ZNF385D: variants seen among roughly 807,000 people sequenced by gnomAD.
The protein encoded by ZNF385D is zinc finger protein 385D, also known as zinc finger protein 659.
In ZNF385D, 15 loss-of-function variants were observed where a neutral mutation model predicts 35.8. The observed-to-expected ratio is 0.42, with a 90% CI of 0.28 to 0.64. The LOEUF is 0.64. ZNF385D is among the 30% of genes least tolerant of loss of function. The pLI is 0.23. For synonymous variants in ZNF385D, 212 were observed against 186.8 expected (o/e 1.13, Z -1.10); for missense variants, 474 against 494.6 (o/e 0.96, Z 0.39).
chr3:21,775,909 A>G (rs2071269493), intron 3 of ZNF385D, among the ~76,000 whole-genome samples: 2 of 151,776 alleles, frequency 1.3e-5, no homozygotes, highest in African/African-American at 4.8e-5. Context: ...AAAATAATGT[A>G]AAGAAGAAAA....
At chr3:22,273,664 G>C (rs1234920609) in intron 2 of ZNF385D, among the ~76,000 whole-genome samples, 1 of 151,994 alleles carries the variant, frequency 6.6e-6, no homozygotes, top group Admixed American at 6.6e-5. Context: ...ATGTCTTAAA[G>C]AATGTATTTC....
chr3:22,283,971 C>T (rs1331483149), intron 2 of ZNF385D, among the ~76,000 whole-genome samples: 1 of 152,024 alleles, frequency 6.6e-6, no homozygotes, highest in Admixed American at 6.5e-5. Context: ...GGATCTGGTG[C>T]CCCTTATTGA....
In ZNF385D at chr3:21,530,922, C is replaced by A. The variant is rs530419810; in HGVS notation, c.277-19899G>T. ...ACATCAAATGTTGTTACAATCCATA[C>A]CATGTTTAAACACTGTGTTAAATCC... On this transcript the variant is annotated intron_variant, in intron 3 of 7. Transcript: ENST00000281523. 3.9e-5 allele frequency among the ~76,000 whole-genome samples: 6 copies of A among 152,198 alleles called. No homozygotes were observed. The East Asian group carries it at 9.7e-4, about 24-fold the overall frequency.
chr3:22,083,915 G>A (rs975270255), intron 3 of ZNF385D, among the ~76,000 whole-genome samples: 6 of 152,190 alleles, frequency 3.9e-5, no homozygotes, highest in African/African-American at 1.4e-4. Flanking sequence ...AGAAGAGAGT[G>A]GGGGCCAATA....
intron 2 of ZNF385D, among the ~76,000 whole-genome samples, chr3:22,288,842 G>A (rs1314902843): frequency 6.6e-6 from 1 of 152,016 alleles, no homozygotes; most frequent in Admixed American, 6.6e-5. Context: ...AGTCCTTTTA[G>A]ACTGGCCTCT....
At position 21,795,416 on chromosome 3, in the gene ZNF385D, C is replaced by A. The variant is rs10212289; in HGVS notation, c.326-130388G>T. Among the ~76,000 whole-genome samples the A allele has an allele frequency of 6.6e-5, 10 of 152,346 alleles. 1 individual carries two copies. The South Asian group carries it at 2.1e-3, about 32-fold the overall frequency. ...CTTGGCTGAGGGCGGGGCACATAGC[C>A]ATTAGCGTCTGCTCCACTTTGGTGG... On this transcript the variant is annotated intron_variant, in intron 3 of 5. Transcript: ENST00000494108.
At chr3:21,831,645 A>G (rs1694994291) in intron 3 of ZNF385D, among the ~76,000 whole-genome samples, 1 of 152,198 alleles carries the variant, frequency 6.6e-6, no homozygotes, top group African/African-American at 2.4e-5. Flanking sequence ...AACTTGTAGA[A>G]GCATAGATAA....
chr3:21,509,440 A>G (rs1707034513), intron 4 of ZNF385D, among the ~76,000 whole-genome samples: 2 of 152,178 alleles, frequency 1.3e-5, no homozygotes, highest in Admixed American at 1.3e-4. Context: ...TCAGCCCTCA[A>G]AATAAAGCAG....
intron 2 of ZNF385D, among the ~76,000 whole-genome samples, chr3:22,274,947 T>C (rs1482316020): frequency 6.6e-6 from 1 of 152,072 alleles, no homozygotes; most frequent in Non-Finnish European, 1.5e-5. Context: ...CATATCTGAA[T>C]TTGATTGGGT....
chr3:21,929,641 T>G (rs1225342919), intron 3 of ZNF385D, among the ~76,000 whole-genome samples: 1 of 152,046 alleles, frequency 6.6e-6, no homozygotes, highest in East Asian at 1.9e-4. Flanking sequence ...AAAAAATCAA[T>G]TGTATTTTTA....
At chr3:22,064,389 T>C (rs763581614) in intron 3 of ZNF385D, among the ~76,000 whole-genome samples, 16 of 151,562 alleles carry the variant, frequency 1.1e-4, no homozygotes, top group Non-Finnish European at 2.4e-4. Context: ...AAGCAGAGCA[T>C]TTGTTGCTTA....
At chr3:21,444,392 T>A (rs951538538) in intron 4 of ZNF385D, among the ~76,000 whole-genome samples, 1 of 70,288 alleles carries the variant, frequency 1.4e-5, no homozygotes, top group African/African-American at 1.3e-4. Flanking sequence ...TTTTTGTTTT[T>A]TTTTTTTTTT....
At chr3:22,127,316 G>GTTTTTT (rs1559389409) in intron 3 of ZNF385D, among the ~76,000 whole-genome samples, 5 of 76,050 alleles carry the variant, frequency 6.6e-5, no homozygotes, top group African/African-American at 2.7e-4. Context: ...TTCATTTCCT[G>GTTTTTT]CTTTTTTTTT....
At chr3:22,231,058 C>T (rs904163243) in intron 2 of ZNF385D, among the ~76,000 whole-genome samples, 2 of 152,130 alleles carry the variant, frequency 1.3e-5, no homozygotes, top group African/African-American at 4.8e-5. Flanking sequence ...AAAACAGCAA[C>T]AGGACCTCAA....
intron 2 of ZNF385D, among the ~76,000 whole-genome samples, chr3:21,598,147 G>A (rs574381082): frequency 6.6e-6 from 1 of 152,178 alleles, no homozygotes; most frequent in African/African-American, 2.4e-5. Context: ...TTAGAGAAAC[G>A]CATCCTGCAA....
intron 1 of ZNF385D, among the ~76,000 whole-genome samples, chr3:21,725,472 T>C (rs1324486411): frequency 6.6e-6 from 1 of 151,900 alleles, no homozygotes; most frequent in Admixed American, 6.6e-5. Flanking sequence ...AAGAATCAAA[T>C]AGATGCAATA....
intron 3 of ZNF385D, among the ~76,000 whole-genome samples, chr3:21,882,504 G>A (rs558978225): frequency 3.3e-5 from 5 of 151,992 alleles, no homozygotes; most frequent in African/African-American, 9.6e-5. Context: ...ATATGCACTA[G>A]AAAACAAAAA....
At chr3:21,779,853 AT>A (rs2071423628) in intron 3 of ZNF385D, among the ~76,000 whole-genome samples, 1 of 151,934 alleles carries the variant, frequency 6.6e-6, no homozygotes, top group African/African-American at 2.4e-5. Flanking sequence ...ATTCCAAATA[AT>A]TTATTCTTTT....
chr3:22,228,679 T>C (rs1189790780), intron 2 of ZNF385D, among the ~76,000 whole-genome samples: 3 of 152,168 alleles, frequency 2.0e-5, no homozygotes, highest in Non-Finnish European at 2.9e-5. Context: ...TGTGAGGGTG[T>C]TGTCAAAGGA....
Sources: gnomAD v4.1 joint callset for allele counts (sites outside exome capture counted in the v4.1 genomes callset) on GRCh38, gnomAD v4.1.1 for gene constraint, MANE v1.5 for transcripts, NCBI Gene and HGNC (gene_info 2026-07-23, HGNC 2026-07-21) for gene names.